The following PRELID2 variants were observed in gnomAD, a reference collection of about 807,000 sequenced individuals.
PRELID2 encodes the protein PRELI domain-containing protein 2.
In PRELID2, 25 loss-of-function variants were observed where a neutral mutation model predicts 28.4. The ratio of observed to expected loss-of-function variants is 0.88; its 90% CI spans 0.64 to 1.23. The LOEUF (loss-of-function observed/expected upper bound fraction) is 1.23, where lower values mean the gene tolerates loss of function less well. Ranked by LOEUF, PRELID2 falls within the 50% of genes most tolerant of loss-of-function variation. The pLI is 0.00. For synonymous variants in PRELID2, 76 were observed against 71.6 expected, an observed-to-expected ratio of 1.06 and a Z score of -0.31; for missense variants, 201 against 214.4, an observed-to-expected ratio of 0.94 and a Z score of 0.39.
chr5:145,770,066 T>C (rs1286963315), intron 5 of PRELID2, among the ~76,000 whole-genome samples: 1 of 152,222 alleles, frequency 6.6e-6, no homozygotes, highest in Non-Finnish European at 1.5e-5. Flanking sequence ...CATGTGTTTG[T>C]GGTGACATTG....
intron 1 of PRELID2, among the ~76,000 whole-genome samples, chr5:145,562,784 A>G (rs79210946): frequency 6.7e-6 from 1 of 149,214 alleles, no homozygotes; most frequent in Non-Finnish European, 1.5e-5. Context: ...ACAGACACAG[A>G]AAAAAAAAAT....
At chr5:145,330,281 GC>G in the PRELID2 span, among the ~76,000 whole-genome samples, 1 of 152,192 alleles carries the variant, frequency 6.6e-6, no homozygotes, top group South Asian at 2.1e-4. Context: ...GATGATGTTT[GC>G]CTCATAAAAT....
At chr5:145,788,425 G>A (rs182817998) in intron 5 of PRELID2, among the ~76,000 whole-genome samples, 260 of 152,330 alleles carry the variant, frequency 1.7e-3, no homozygotes, top group African/African-American at 5.9e-3. Context: ...GGCTGAGAGA[G>A]ACTATGGCAC....
chr5:145,677,152 GTTTTT>G (rs756255750), intron 1 of PRELID2, among the ~76,000 whole-genome samples: 1 of 124,044 alleles, frequency 8.1e-6, no homozygotes. Context: ...TTTGGTTTTG[GTTTTT>G]TTTTTTTTTT....
chr5:145,615,396 G>A (rs1186418272), intron 1 of PRELID2, among the ~76,000 whole-genome samples: 7 of 124,860 alleles, frequency 5.6e-5, no homozygotes, highest in African/African-American at 2.5e-4. Context: ...CGCAATCTCG[G>A]CTCACTGCAG....
At chr5:145,764,318 C>T (rs1757619686) in intron 6 of PRELID2, among the ~76,000 whole-genome samples, 1 of 152,114 alleles carries the variant, frequency 6.6e-6, no homozygotes, top group East Asian at 1.9e-4. Context: ...ACCATTTGCC[C>T]TAAACTAGAT....
chr5:145,806,714 T>C (rs1459419684), intron 4 of PRELID2, among the ~76,000 whole-genome samples: 1 of 152,160 alleles, frequency 6.6e-6, no homozygotes, highest in African/African-American at 2.4e-5. Flanking sequence ...TGGGAGCTGA[T>C]TGGATCATGG....
At chr5:145,606,072 C>T (rs1268004813) in intron 1 of PRELID2, among the ~76,000 whole-genome samples, 1 of 151,870 alleles carries the variant, frequency 6.6e-6, no homozygotes, top group African/African-American at 2.4e-5. Context: ...TCAGCTTGGA[C>T]ATTGTTGATA....
the PRELID2 span, among the ~76,000 whole-genome samples, chr5:145,461,957 G>A: frequency 1.4e-4 from 21 of 152,200 alleles, no homozygotes; most frequent in African/African-American, 5.1e-4. Context: ...AATAAACTTT[G>A]GTATGGAAAG....
chr5:145,373,462 GAT>G, the PRELID2 span, among the ~76,000 whole-genome samples: 3 of 35,410 alleles, frequency 8.5e-5, no homozygotes, highest in Admixed American at 4.9e-4. Context: ...TAATATATAT[GAT>G]ATATATTACA....
chr5:145,420,345 T>C, the PRELID2 span, among the ~76,000 whole-genome samples: 1 of 152,106 alleles, frequency 6.6e-6, no homozygotes, highest in Non-Finnish European at 1.5e-5. Context: ...TTCACAATAT[T>C]GATTCTTCCT....
At chr5:145,322,736 C>A in the PRELID2 span, among the ~76,000 whole-genome samples, 1 of 151,980 alleles carries the variant, frequency 6.6e-6, no homozygotes, top group African/African-American at 2.4e-5. Context: ...AGAAAGCAAA[C>A]AAAAAGAGCT....
chr5:145,514,871 T>G (rs1752502781), intron 1 of PRELID2, among the ~76,000 whole-genome samples: 1 of 152,132 alleles, frequency 6.6e-6, no homozygotes, highest in Non-Finnish European at 1.5e-5. Context: ...ACCGCACAAC[T>G]ACATGGAAAC....
At chr5:145,318,710 AG>A in the PRELID2 span, among the ~76,000 whole-genome samples, 1 of 152,298 alleles carries the variant, frequency 6.6e-6, no homozygotes, top group Middle Eastern at 3.4e-3. Flanking sequence ...GTCTAGGGGT[AG>A]GTGCCTGTGA....
the PRELID2 span, chr5:145,450,883 A>G: frequency 6.6e-6 from 1 of 152,176 alleles, no homozygotes; most frequent in Non-Finnish European, 1.5e-5. Flanking sequence ...CATTTATGGT[A>G]ATTACATAGG....
At chr5:145,723,846 T>C (rs73302100) in intron 1 of PRELID2, among the ~76,000 whole-genome samples, 6 of 152,288 alleles carry the variant, frequency 3.9e-5, no homozygotes, top group African/African-American at 1.2e-4. Context: ...TCTAGAAACT[T>C]ACCCTGAATA....
At chr5:145,368,168 T>C in the PRELID2 span, among the ~76,000 whole-genome samples, 19 of 152,102 alleles carry the variant, frequency 1.2e-4, no homozygotes, top group South Asian at 3.7e-3. Flanking sequence ...ACTTTGTCTG[T>C]CTTATCCAAA....
chr5:145,355,563 G>A, the PRELID2 span, among the ~76,000 whole-genome samples: 33,033 of 151,934 alleles, frequency 0.22, 3,987 homozygotes, highest in South Asian at 0.34. Context: ...GAAGACAAAG[G>A]CAGCAAACCA....
intron 1 of PRELID2, among the ~76,000 whole-genome samples, chr5:145,542,233 C>G (rs1437429418): frequency 6.6e-6 from 1 of 152,068 alleles, no homozygotes; most frequent in Non-Finnish European, 1.5e-5. Flanking sequence ...AGTGTGGCCA[C>G]CCTGACTGCA....
Sources: allele counts gnomAD v4.1 joint callset (sites outside exome capture counted in the v4.1 genomes callset), GRCh38; gene constraint gnomAD v4.1.1; transcripts MANE v1.5; gene names NCBI Gene and HGNC (gene_info 2026-07-23, HGNC 2026-07-21).